The following HSPG2 variants were observed in gnomAD, a reference collection of about 807,000 sequenced individuals.
The protein encoded by HSPG2 is basement membrane-specific heparan sulfate proteoglycan core protein.
HSPG2 carries 278 observed loss-of-function variants against 526.6 expected under a neutral mutation model. The ratio of observed to expected loss-of-function variants is 0.53; its 90% CI spans 0.48 to 0.58. The LOEUF is 0.58. Among genes scored for constraint, HSPG2 ranks in the 20% least tolerant of loss-of-function variants. The pLI is 0.00. For missense variants in HSPG2, 5,354 were observed against 6,099.5 expected (o/e 0.88, Z 4.07); for synonymous variants, 2,465 against 2,555.4 (o/e 0.96, Z 1.07).
chr1:21,864,206 G>T lies in HSPG2; in HGVS notation c.4634C>A (p.Ala1545Asp). The T allele has an allele frequency of 6.4e-7, 1 of 1,551,764 alleles. No homozygotes were observed. Among genetic ancestry groups the T allele is most frequent in the Non-Finnish European group, 8.7e-7 (1 of 1,147,468 alleles). ...GYIGLSCQDC[A>D]PGYTRTGSGL... The stretch of plus-strand genomic sequence containing the variant: ...ACTCCCGGTGCGCGTGTAGCCGGGG[G>T]CACAGTCCTAGGGGCAGAGAGGAAG... Residue 1545 changes from alanine to aspartate, a missense_variant, in exon 37 of 97, where the codon GCC (alanine) becomes GAC (aspartate). By Grantham distance (126) the Ala-to-Asp change is moderately radical (BLOSUM62 -2). Transcript: ENST00000374695. The surrounding 1 kb of genome is among the most constrained non-coding windows in gnomAD (Gnocchi z 4.8).
At position 21,861,995 on chromosome 1, in the gene HSPG2, C is replaced by T. The variant is rs192009838; in HGVS notation, c.4861G>A (p.Glu1621Lys). 6.2e-6 allele frequency: 10 copies of T among 1,614,214 alleles called. No homozygotes were observed. The Admixed American group carries it at 1.2e-4, about 19-fold the overall frequency. The change falls in exon 38 of 97, where the codon GAG becomes AAG. Residue 1621 changes from glutamate to lysine, a missense_variant. By Grantham distance (56) the Glu-to-Lys change is moderately conservative. Coordinates refer to ENST00000374695, the MANE Select transcript of HSPG2 (RefSeq NM_005529.7). ...QPCACPLTNP[E>K]NMFSRTCESL... ...TTGAGCTAGGGTACCCACATGTTCT[C>T]TGGGTTGGTCAGTGGGCAGGCACAG...
In HSPG2 at chr1:21,829,579, C is replaced by G. The variant is rs747469077; in HGVS notation, c.11796G>C (p.Leu3932=). Residue 3932 remains leucine, a synonymous_variant, in exon 87 of 97, where the codon CTG becomes CTC. Coordinates refer to ENST00000374695, the MANE Select transcript of HSPG2 (RefSeq NM_005529.7). ...EEGVTVTTPS[L]SGAGSYLALP... ...GTGCCAGGTAGGAGCCAGCACCCGA[C>G]AGCGAGGGGGTGGTCACTGTCACAC... 9 of 1,608,088 alleles carry G rather than the reference C, an allele frequency of 5.6e-6. No homozygotes were observed. Among genetic ancestry groups the G allele is most frequent in the South Asian group, 3.3e-5 (3 of 90,888 alleles).
Position 21,847,794 on chromosome 1 carries a change from C to G in HSPG2, c.7920G>C (p.Thr2640=). Residue 2640 remains threonine (T), a synonymous_variant, in exon 61 of 97, where the codon ACG becomes ACC. Transcript: ENST00000374695. The surrounding 1 kb of genome is among the most constrained non-coding windows in gnomAD (Gnocchi z 4.1). The part of the protein sequence containing the change: ...PPIRIESSSP[T]VVEGQTLDLN... ...GATCCAAGGTCTGCCCTTCCACCAC[C>G]GTGGGGGAAGACGACTCGATCCTGA... 5.0e-6 allele frequency: 8 copies of G among 1,613,736 alleles called. No homozygotes were observed. The highest frequency in any genetic ancestry group is 6.8e-6 in the Non-Finnish European group (8 of 1,179,930).
chr1:21,841,814 G>A, intron 69 of HSPG2, 141 bp from the exon 70 acceptor site: 1 of 1,322,578 alleles, frequency 7.6e-7, no homozygotes. Context: ...GCAGATAGCA[G>A]AAAGTAACAA....
intron 74 of HSPG2, among the ~76,000 whole-genome samples, chr1:21,837,586 G>A (rs1261405603): frequency 6.6e-6 from 1 of 151,978 alleles, no homozygotes; most frequent in African/African-American, 2.4e-5. Context: ...ACCGCGCCCG[G>A]CCATACTCAG....
Position 21,851,778 on chromosome 1 carries a change from T to G in HSPG2, c.7006+13A>C, listed in dbSNP as rs753251655. 3.1e-6 allele frequency: 5 copies of G among 1,613,994 alleles called. No homozygotes were observed. Among genetic ancestry groups the G allele is most frequent in the Non-Finnish European group, 4.2e-6 (5 of 1,180,028 alleles). On this transcript the variant is annotated intron_variant, in intron 54 of 96. Transcript: ENST00000374695. ...TTCTCTGCATCCCAGCCCAGCCTGG[T>G]GGCCCCACTCACGGTAGGCTAAGTT... is the stretch of plus-strand genomic sequence containing the variant.
chr1:21,835,441 T>G, intron 76 of HSPG2, 99 bp downstream of exon 76: 1 of 808,790 alleles, frequency 1.2e-6, no homozygotes, highest in Non-Finnish European at 2.2e-6. Context: ...CTGACACATT[T>G]AGGGGGATTC....
chr1:21,919,522 C>A (rs1220371887), intron 1 of HSPG2, among the ~76,000 whole-genome samples: 1 of 152,020 alleles, frequency 6.6e-6, no homozygotes. Context: ...TGAACCCCCA[C>A]CTGGACCAAA....
intron 63 of HSPG2, 54 bp from the exon 64 acceptor site, chr1:21,846,309 G>A (rs767830526): frequency 5.9e-5 from 95 of 1,611,408 alleles, no homozygotes; most frequent in Non-Finnish European, 7.5e-5. Context: ...TGGAACTGTT[G>A]AAGGCCTGGG....
chr1:21,916,781 C>A (rs1643897112), intron 1 of HSPG2, among the ~76,000 whole-genome samples: 1 of 151,900 alleles, frequency 6.6e-6, no homozygotes, highest in African/African-American at 2.4e-5. Flanking sequence ...TAGCAGTTAC[C>A]ATATCAGACA....
Position 21,872,941 on chromosome 1 carries a change from C to T in HSPG2, c.3888+56G>A, listed in dbSNP as rs1006226717. ...CACCAGATGCTGCCTGATTTCCCCG[C>T]AGGGTCTGGGCAGCGGGGCAGAGCA... On this transcript the variant is annotated intron_variant, in intron 31 of 96. Transcript: ENST00000374695. This position sits in a 1 kb window ranked among gnomAD's most constrained non-coding sequence, Gnocchi z 5.5. The T allele has an allele frequency of 2.5e-6, 4 of 1,577,462 alleles. No homozygotes were observed. The highest frequency in any genetic ancestry group is 3.5e-6 in the Non-Finnish European group (4 of 1,147,712).
chr1:21,924,158 A>T (rs1482019133), intron 1 of HSPG2, among the ~76,000 whole-genome samples: 1 of 152,128 alleles, frequency 6.6e-6, no homozygotes, highest in Non-Finnish European at 1.5e-5. Flanking sequence ...GGCACTTGGG[A>T]GCTGGGGTTA....
At chr1:21,850,908 T>C (rs961476488) in intron 55 of HSPG2, among the ~76,000 whole-genome samples, 1 of 152,150 alleles carries the variant, frequency 6.6e-6, no homozygotes, top group Admixed American at 6.5e-5. Context: ...CTTAGAGTAC[T>C]TTCTGTGAGC....
Position 21,844,178 on chromosome 1 carries a change from C to T in HSPG2, c.8586G>A (p.Lys2862=). The T allele has an allele frequency of 6.2e-7, 1 of 1,613,664 alleles. No individual in the cohort carries two copies. The highest frequency in any genetic ancestry group is 8.5e-7 in the Non-Finnish European group (1 of 1,180,026). ...GCCGGGCAGGGAGGTTTCCTCCACG[C>T]TTGTGCCACGTGACCTGGGCGTGGG... ...GQAHAQVTWH[K]RGGNLPARHQ... is the part of the protein sequence containing the mutation. Residue 2862 remains lysine, a synonymous_variant, in exon 65 of 97, where the codon AAG becomes AAA. Transcript: ENST00000374695.
intron 74 of HSPG2, among the ~76,000 whole-genome samples, chr1:21,837,777 C>T (rs2098032577): frequency 6.6e-6 from 1 of 152,098 alleles, no homozygotes; most frequent in African/African-American, 2.4e-5. Flanking sequence ...CTGTGTTTAC[C>T]TCTGTGTACC....
In HSPG2 at chr1:21,842,043, G is replaced by A. The variant is rs1258054850; in HGVS notation, c.9152C>T (p.Pro3051Leu). Residue 3051 changes from proline to leucine, a missense_variant, in exon 69 of 97, where the codon CCC becomes CTC. Pro to Leu is a moderately conservative substitution (Grantham distance 98). Transcript: ENST00000374695. ...FKCLIHDGAAPISLEWKTRNQ... is the reference protein window; with the variant it reads ...FKCLIHDGAALISLEWKTRNQ... ...CCGGGTCTTCCACTCGAGGCTGATG[G>A]GGGCTGCCCCGTCATGGATGAGGCA... 6.2e-7 allele frequency: 1 copy of A among 1,613,600 alleles called. No individual in the cohort carries two copies. Among genetic ancestry groups the A allele is most frequent in the African/African-American group, 1.3e-5 (1 of 75,060 alleles).
chr1:21,839,819 C>T lies in HSPG2; in HGVS notation c.9709+3G>A, dbSNP rs369907786. On this transcript the variant is annotated splice_donor_region_variant and intron_variant, in intron 72 of 96. Transcript: ENST00000374695. The surrounding 1 kb of genome is among the most constrained non-coding windows in gnomAD (Gnocchi z 4.5). ...AGCCCTATGTGCCAGCCCTTGGTCA[C>T]ACCTGTGGCTGAGCAGCGCAAGGTG... 44 of 1,613,152 alleles carry T rather than the reference C, an allele frequency of 2.7e-5. No homozygotes were observed. The highest frequency in any genetic ancestry group is 3.6e-5 in the Non-Finnish European group (42 of 1,180,000).
Position 21,887,300 on chromosome 1 carries a change from G to A in HSPG2, c.993C>T (p.Pro331=). The change falls in exon 9 of 97, where the codon CCC becomes CCT. Residue 331 remains proline, a synonymous_variant. Coordinates refer to ENST00000374695, the MANE Select transcript of HSPG2 (RefSeq NM_005529.7). The surrounding 1 kb of genome is among the most constrained non-coding windows in gnomAD (Gnocchi z 5.0). ...PPPPCEPNEF[P]CGNGHCALKL... ...TGAGGGCACAATGTCCATTCCCGCAGGGGAACTCGTTGGGCTCACAGGGTG... is the reference window on the plus strand; with the variant it reads ...TGAGGGCACAATGTCCATTCCCGCAAGGGAACTCGTTGGGCTCACAGGGTG... The A allele has an allele frequency of 6.2e-7, 1 of 1,614,104 alleles. No homozygotes were observed. The highest frequency in any genetic ancestry group is 1.1e-5 in the South Asian group (1 of 91,082).
intron 25 of HSPG2, among the ~76,000 whole-genome samples, chr1:21,875,384 C>T (rs1170318395): frequency 6.6e-6 from 1 of 152,138 alleles, no homozygotes; most frequent in Non-Finnish European, 1.5e-5. Context: ...ATGGCCCCTC[C>T]CCCCTCCTGC....
Sources: gnomAD v4.1 joint callset for allele counts (sites outside exome capture counted in the v4.1 genomes callset) on GRCh38, gnomAD v4.1.1 for gene constraint, Gnocchi (gnomAD v3.1) non-coding constraint, MANE v1.5 for transcripts, NCBI Gene and HGNC (gene_info 2026-07-23, HGNC 2026-07-21) for gene names.